Variants in ABI3BP observed in about 807,000 individuals in gnomAD.
ABI3BP encodes the protein ABI family member 3 binding protein.
A neutral mutation model predicts 268.6 loss-of-function variants in ABI3BP; 216 were observed. The ratio of observed to expected loss-of-function variants is 0.80; its 90% CI spans 0.72 to 0.90. The LOEUF is 0.90. ABI3BP is among the 40% of genes least tolerant of loss of function. ABI3BP has a pLI of 0.00. For synonymous variants in ABI3BP, 730 were observed against 730.0 expected (o/e 1.00, Z 0.00); for missense variants, 2,090 against 2,182.4 (o/e 0.96, Z 0.84).
chr3:100,861,441 T>C (rs1202305626), intron 14 of ABI3BP, among the ~76,000 whole-genome samples: 2 of 152,152 alleles, frequency 1.3e-5, no homozygotes, highest in Non-Finnish European at 2.9e-5. Flanking sequence ...CTATATGATA[T>C]GTACCCCAAA....
chr3:100,875,276 C>T (rs2099149639), intron 8 of ABI3BP, among the ~76,000 whole-genome samples: 1 of 152,142 alleles, frequency 6.6e-6, no homozygotes, highest in African/African-American at 2.4e-5. Context: ...GGACAGGTGC[C>T]ATCATTCCCA....
chr3:100,856,114 C>T (rs1425617170), intron 14 of ABI3BP, among the ~76,000 whole-genome samples: 1 of 152,164 alleles, frequency 6.6e-6, no homozygotes, highest in Non-Finnish European at 1.5e-5. Context: ...TGAACTCAAT[C>T]CAGTTGGGTG....
intron 6 of ABI3BP, among the ~76,000 whole-genome samples, chr3:100,883,672 T>C (rs1043127511): frequency 7.9e-5 from 12 of 152,080 alleles, no homozygotes; most frequent in African/African-American, 2.7e-4. Context: ...AACTGATACA[T>C]TGCTGGCGAG....
intron 8 of ABI3BP, 100 bp downstream of exon 8, chr3:100,875,408 T>A: frequency 1.1e-6 from 1 of 890,564 alleles, no homozygotes; most frequent in South Asian, 1.4e-5. Flanking sequence ...ACCACATCAA[T>A]TAAACAGAAC....
intron 2 of ABI3BP, among the ~76,000 whole-genome samples, chr3:100,912,677 A>C (rs761992281): frequency 6.6e-6 from 1 of 152,344 alleles, no homozygotes; most frequent in South Asian, 2.1e-4. Flanking sequence ...AAATTTAAGC[A>C]TCCTCTAGCT....
chr3:100,955,059 C>T (rs1416298552), intron 1 of ABI3BP, among the ~76,000 whole-genome samples: 1 of 128,338 alleles, frequency 7.8e-6, no homozygotes, highest in East Asian at 2.5e-4. Context: ...CATGTCTCTT[C>T]TCATAAAGTC....
At chr3:100,787,685 T>G (rs780563029) in intron 57 of ABI3BP, 43 bp downstream of exon 57, 1 of 1,412,742 alleles carries the variant, frequency 7.1e-7, no homozygotes, top group South Asian at 1.3e-5. Flanking sequence ...ATAACACTTA[T>G]AGTTTTGACA....
At chr3:100,850,208 G>A in intron 16 of ABI3BP, 89 bp from the exon 17 acceptor site, 2 of 1,128,618 alleles carry the variant, frequency 1.8e-6, no homozygotes, top group South Asian at 2.7e-5. Flanking sequence ...ATGGTATAAA[G>A]CACATGCCAC....
chr3:100,924,401 G>A (rs1443614537), intron 2 of ABI3BP, among the ~76,000 whole-genome samples: 1 of 152,154 alleles, frequency 6.6e-6, no homozygotes, highest in African/African-American at 2.4e-5. Context: ...TAAAAGCACA[G>A]TGTTATTAAA....
intron 4 of ABI3BP, among the ~76,000 whole-genome samples, chr3:100,896,947 T>C (rs981553858): frequency 6.6e-6 from 1 of 152,210 alleles, no homozygotes; most frequent in Non-Finnish European, 1.5e-5. Flanking sequence ...AATTTGATTT[T>C]TTTCTTGAGT....
At chr3:100,918,321 T>C (rs113826184) in intron 2 of ABI3BP, among the ~76,000 whole-genome samples, 30 of 145,784 alleles carry the variant, frequency 2.1e-4, no homozygotes, top group African/African-American at 4.0e-4. Flanking sequence ...CCCGTCCACC[T>C]GTCCACCCGT....
intron 20 of ABI3BP, among the ~76,000 whole-genome samples, chr3:100,842,259 C>T (rs936080510): frequency 4.0e-5 from 6 of 151,878 alleles, no homozygotes; most frequent in African/African-American, 9.7e-5. Flanking sequence ...CGTCACTTCC[C>T]AATATTCTGG....
At chr3:100,822,850 A>G (rs1247316909) in intron 37 of ABI3BP, among the ~76,000 whole-genome samples, 178 bp from the exon 38 acceptor site, 2 of 152,186 alleles carry the variant, frequency 1.3e-5, no homozygotes, top group African/African-American at 2.4e-5. Flanking sequence ...TTAAGACAAA[A>G]ATCACTTTTT....
intron 64 of ABI3BP, among the ~76,000 whole-genome samples, chr3:100,754,129 G>A (rs367676882): frequency 6.6e-6 from 1 of 152,188 alleles, no homozygotes; most frequent in East Asian, 1.9e-4. Flanking sequence ...TTCAAAAGCT[G>A]CTGCTTTTAG....
intron 5 of ABI3BP, among the ~76,000 whole-genome samples, chr3:100,885,939 T>C (rs1254444061): frequency 1.3e-5 from 2 of 152,050 alleles, no homozygotes; most frequent in Non-Finnish European, 2.9e-5. Flanking sequence ...CAAATATTTA[T>C]TACTTATTTT....
chr3:100,985,302 A>C (rs2091311964), intron 1 of ABI3BP, among the ~76,000 whole-genome samples: 2 of 151,880 alleles, frequency 1.3e-5, no homozygotes, highest in South Asian at 2.1e-4. Context: ...GGCACGTGCC[A>C]CCATGCCCGG....
At chr3:100,809,978 A>G (rs1374211546) in intron 49 of ABI3BP, among the ~76,000 whole-genome samples, 2 of 151,974 alleles carry the variant, frequency 1.3e-5, no homozygotes, top group Non-Finnish European at 2.9e-5. Flanking sequence ...TGGCCAGTAC[A>G]CCCCCTTTCA....
At chr3:100,860,621 T>C (rs1376995217) in intron 14 of ABI3BP, among the ~76,000 whole-genome samples, 1 of 152,210 alleles carries the variant, frequency 6.6e-6, no homozygotes, top group African/African-American at 2.4e-5. Context: ...TCCCCAATGC[T>C]TGGTTCAACT....
At chr3:100,782,789 A>G (rs1173503091) in intron 57 of ABI3BP, among the ~76,000 whole-genome samples, 3 of 152,146 alleles carry the variant, frequency 2.0e-5, no homozygotes, top group Non-Finnish European at 4.4e-5. Context: ...GAGAAAGGAG[A>G]AAATCAGTAA....
Sources: allele counts gnomAD v4.1 joint callset (sites outside exome capture counted in the v4.1 genomes callset), GRCh38; gene constraint gnomAD v4.1.1; transcripts MANE v1.5; gene names NCBI Gene and HGNC (gene_info 2026-07-23, HGNC 2026-07-21).